The following TMEM161B variants were observed in gnomAD, a reference collection of about 807,000 sequenced individuals.
The protein encoded by TMEM161B is transmembrane protein 161B.
In TMEM161B, 34 loss-of-function variants were observed where a neutral mutation model predicts 61.8. That is an observed-to-expected ratio of 0.55 (90% CI 0.42 to 0.73). TMEM161B has a LOEUF of 0.73. Among genes scored for constraint, TMEM161B ranks in the 30% least tolerant of loss-of-function variants. The probability of loss-of-function intolerance (pLI) is 0.00; values close to 1 mark genes in which losing one functional copy is unlikely to be tolerated. For synonymous variants in TMEM161B, 167 were observed against 192.8 expected (o/e 0.87, Z 1.11); for missense variants, 456 against 558.5 (o/e 0.82, Z 1.85).
chr5:88,222,875 T>C (rs1490907550), intron 4 of TMEM161B, among the ~76,000 whole-genome samples: 5 of 152,074 alleles, frequency 3.3e-5, no homozygotes, highest in African/African-American at 1.2e-4. Context: ...TAATAAAATA[T>C]TGAAGTCAAA....
chr5:88,203,787 AT>A (rs1561312590), intron 8 of TMEM161B, among the ~76,000 whole-genome samples: 288 of 19,278 alleles, frequency 0.015, 18 homozygotes, highest in African/African-American at 0.027. Context: ...ATATATATAT[AT>A]ATATATATAT....
intron 1 of TMEM161B, chr5:88,259,338 T>C (rs1465979949): frequency 6.6e-6 from 1 of 152,236 alleles, no homozygotes; most frequent in East Asian, 1.9e-4. Context: ...CAAGGTACTC[T>C]ACAAGATTAC....
At chr5:88,236,961 T>G (rs1404713358) in intron 2 of TMEM161B, among the ~76,000 whole-genome samples, 2 of 152,118 alleles carry the variant, frequency 1.3e-5, no homozygotes, top group African/African-American at 4.8e-5. Flanking sequence ...CCCAACCAAA[T>G]TTAAAACTCT....
At chr5:88,237,250 C>A (rs1439286273) in intron 2 of TMEM161B, among the ~76,000 whole-genome samples, 2 of 152,114 alleles carry the variant, frequency 1.3e-5, no homozygotes, top group Non-Finnish European at 2.9e-5. Context: ...CAGAACTAGT[C>A]ACAAGGCCCC....
At chr5:88,238,493 A>G (rs570458747) in intron 2 of TMEM161B, among the ~76,000 whole-genome samples, 130 of 152,182 alleles carry the variant, frequency 8.5e-4, no homozygotes, top group African/African-American at 3.0e-3. Context: ...GTTCTTTTAA[A>G]TAGTTCTATT....
At chr5:88,190,093 G>A (rs1044454376), downstream of TMEM161B, 11 of 700,620 alleles carry the variant, frequency 1.6e-5, no homozygotes, top group Admixed American at 4.0e-5. Context: ...TTCTCAGTTC[G>A]TGTTGGATAA....
At chr5:88,210,961 A>T (rs1746602744) in intron 5 of TMEM161B, among the ~76,000 whole-genome samples, 1 of 152,202 alleles carries the variant, frequency 6.6e-6, no homozygotes, top group African/African-American at 2.4e-5. Context: ...TGTGGTCCAT[A>T]TGCAGTCTCT....
chr5:88,249,614 G>C (rs997189037), intron 1 of TMEM161B, among the ~76,000 whole-genome samples: 8 of 152,044 alleles, frequency 5.3e-5, no homozygotes, highest in Non-Finnish European at 1.2e-4. Flanking sequence ...AGGAGTAGAG[G>C]AAGCATCCCT....
At chr5:88,229,229 C>G (rs1750571038) in intron 2 of TMEM161B, among the ~76,000 whole-genome samples, 1 of 152,156 alleles carries the variant, frequency 6.6e-6, no homozygotes, top group African/African-American at 2.4e-5. Flanking sequence ...GCCTAGTCAT[C>G]CCAACTATCT....
At chr5:88,267,659 C>T (rs777892252) in intron 1 of TMEM161B, among the ~76,000 whole-genome samples, 13 of 152,060 alleles carry the variant, frequency 8.5e-5, no homozygotes, top group Non-Finnish European at 1.8e-4. Flanking sequence ...CCCTTGCCCC[C>T]GTTTGTGTTC....
intron 5 of TMEM161B, among the ~76,000 whole-genome samples, chr5:88,215,554 C>T (rs1217722553): frequency 4.6e-5 from 7 of 152,154 alleles, no homozygotes; most frequent in African/African-American, 9.7e-5. Flanking sequence ...CTTCCCCACC[C>T]TCTTTTTGGA....
At chr5:88,214,399 T>C (rs1194197193) in intron 5 of TMEM161B, among the ~76,000 whole-genome samples, 1 of 152,094 alleles carries the variant, frequency 6.6e-6, no homozygotes, top group Non-Finnish European at 1.5e-5. Flanking sequence ...ATTCACATAA[T>C]TGACTCAGTA....
At chr5:88,249,530 C>G (rs997469195) in intron 1 of TMEM161B, among the ~76,000 whole-genome samples, 3 of 151,984 alleles carry the variant, frequency 2.0e-5, no homozygotes, top group African/African-American at 7.2e-5. Context: ...GCAACTCAAC[C>G]CAAAAACTTT....
At chr5:88,238,937 C>A (rs1752295977) in intron 2 of TMEM161B, among the ~76,000 whole-genome samples, 1 of 151,898 alleles carries the variant, frequency 6.6e-6, no homozygotes, top group African/African-American at 2.4e-5. Context: ...CACTACTAGA[C>A]TTTCTCGATA....
In TMEM161B at chr5:88,253,508, A is replaced by G. The variant is rs548163136; in HGVS notation, c.4-12592T>C. ...AAGAGAAGGTCAGGCAGTTATACCT[A>G]CCCGTACAAAGACAAGGAGAACAAA... On this transcript the variant is annotated intron_variant, in intron 1 of 11. Coordinates refer to ENST00000296595, the MANE Select transcript of TMEM161B (RefSeq NM_153354.5). Among the ~76,000 whole-genome samples the G allele has an allele frequency of 7.4e-4, 112 of 152,272 alleles. 1 individual carries two copies. Among genetic ancestry groups the G allele is most frequent in the African/African-American group, 2.5e-3 (105 of 41,574 alleles).
intron 4 of TMEM161B, 26 bp from the exon 5 acceptor site, chr5:88,220,745 A>T (rs1277837484): frequency 6.6e-6 from 10 of 1,516,636 alleles, no homozygotes; most frequent in Non-Finnish European, 8.8e-6. Context: ...AAAAAAAAAA[A>T]AAAAAAGGTC....
chr5:88,246,554 T>C (rs1319739532), intron 1 of TMEM161B, among the ~76,000 whole-genome samples: 9 of 151,974 alleles, frequency 5.9e-5, no homozygotes, highest in Admixed American at 5.3e-4. Context: ...CAGGGATTAA[T>C]GTATTAATGT....
At chr5:88,206,124 A>G (rs539101157) in intron 7 of TMEM161B, among the ~76,000 whole-genome samples, 170 bp from the exon 8 acceptor site, 1 of 152,170 alleles carries the variant, frequency 6.6e-6, no homozygotes. Context: ...GGTGAACTGT[A>G]AACTAAATGA....
At chr5:88,192,400 G>A (rs979571248), downstream of TMEM161B, among the ~76,000 whole-genome samples, 4 of 151,756 alleles carry the variant, frequency 2.6e-5, no homozygotes, top group African/African-American at 9.7e-5. Context: ...CCCACCTTAG[G>A]AACAAAACAA....
Sources: gnomAD v4.1 joint callset for allele counts (sites outside exome capture counted in the v4.1 genomes callset) on GRCh38, gnomAD v4.1.1 for gene constraint, MANE v1.5 for transcripts, NCBI Gene and HGNC (gene_info 2026-07-23, HGNC 2026-07-21) for gene names.